SLC30A7: variants seen among roughly 807,000 people sequenced by gnomAD.
The protein encoded by SLC30A7 is solute carrier family 30 member 7.
SLC30A7 carries 35 observed loss-of-function variants against 46.0 expected under a neutral mutation model. The observed-to-expected ratio is 0.76, with a 90% confidence interval of 0.58 to 1.01. The LOEUF is 1.01. Ranked by LOEUF, SLC30A7 falls within the 50% of genes least tolerant of loss-of-function variation. The pLI, the probability that SLC30A7 is intolerant of heterozygous loss-of-function variation, is 0.00. For missense variants in SLC30A7, 464 were observed against 451.1 expected (o/e 1.03, Z -0.26); for synonymous variants, 147 against 157.8 (o/e 0.93, Z 0.51).
At chr1:100,995,246 A>G in the SLC30A7 span, 1 of 711,632 alleles carries the variant, frequency 1.4e-6, no homozygotes, top group African/African-American at 1.8e-5. Flanking sequence ...ATTTTGGGGA[A>G]ACACTCTTCC....
chr1:100,959,645 G>T (rs1655428634), intron 8 of SLC30A7, among the ~76,000 whole-genome samples: 2 of 152,214 alleles, frequency 1.3e-5, no homozygotes, highest in African/African-American at 4.8e-5. Context: ...CAACACAGCA[G>T]CTATGAGAGA....
chr1:100,937,689 T>TTA (rs1313961320), intron 8 of SLC30A7, among the ~76,000 whole-genome samples: 5 of 152,218 alleles, frequency 3.3e-5, no homozygotes, highest in Admixed American at 1.3e-4. Context: ...TGGGTGTTCT[T>TTA]TATATATTCT....
intron 2 of SLC30A7, among the ~76,000 whole-genome samples, chr1:100,899,536 A>G (rs1651169242): frequency 6.6e-6 from 1 of 152,210 alleles, no homozygotes; most frequent in African/African-American, 2.4e-5. Flanking sequence ...TTTGTTTTCA[A>G]GTTACAGAAA....
rs898487096 is a variant in SLC30A7, at chr1:100,911,984, T to G, written c.385-128T>G. 5 of 769,786 alleles carry G rather than the reference T, an allele frequency of 6.5e-6. No individual in the cohort carries two copies. In the African/African-American group the frequency reaches 8.7e-5, roughly 13 times the overall value. 47.7% of individuals were successfully genotyped at this position (769,786 alleles called of 1,614,324 possible). On this transcript the variant is annotated intron_variant, in intron 4 of 10. Transcript: ENST00000357650. ...CTGGTTTTATTTCTATCAACTGTTT[T>G]GGGAGATTTTTTTTAGTGTTTTTAA...
At chr1:100,971,928 T>C (rs1656185291) in intron 10 of SLC30A7, among the ~76,000 whole-genome samples, 1 of 152,168 alleles carries the variant, frequency 6.6e-6, no homozygotes, top group Non-Finnish European at 1.5e-5. Flanking sequence ...TTGAAGATAT[T>C]CTAAGCCTAT....
intron 8 of SLC30A7, among the ~76,000 whole-genome samples, chr1:100,930,005 G>A (rs980292925): frequency 2.0e-5 from 3 of 151,922 alleles, no homozygotes; most frequent in African/African-American, 7.2e-5. Flanking sequence ...GTTTAGAGAC[G>A]AGGCAATTTA....
At chr1:100,953,176 C>G (rs1364076302) in intron 8 of SLC30A7, among the ~76,000 whole-genome samples, 1 of 152,174 alleles carries the variant, frequency 6.6e-6, no homozygotes, top group African/African-American at 2.4e-5. Flanking sequence ...TTTCCTGAGG[C>G]CTCCTACTCA....
At chr1:100,938,219 A>C (rs1233928751) in intron 8 of SLC30A7, among the ~76,000 whole-genome samples, 1 of 152,158 alleles carries the variant, frequency 6.6e-6, no homozygotes, top group Non-Finnish European at 1.5e-5. Flanking sequence ...GTTTCTTGAG[A>C]TCCCATAGGA....
chr1:100,988,363 C>T, the SLC30A7 span, among the ~76,000 whole-genome samples: 1 of 152,056 alleles, frequency 6.6e-6, no homozygotes, highest in African/African-American at 2.4e-5. Context: ...GTTTTTAGAC[C>T]ATTGTTTATT....
chr1:100,945,944 G>C (rs114007288), intron 8 of SLC30A7, among the ~76,000 whole-genome samples: 3,408 of 152,170 alleles, frequency 0.022, 118 homozygotes, highest in African/African-American at 0.074. Flanking sequence ...CTATTCATTT[G>C]TGTCCTCTTA....
At chr1:100,899,887 G>A (rs1035670892) in intron 2 of SLC30A7, among the ~76,000 whole-genome samples, 5 of 151,720 alleles carry the variant, frequency 3.3e-5, no homozygotes, top group East Asian at 1.9e-4. Context: ...TTATCACATG[G>A]TCATGCCTAG....
chr1:100,902,851 G>A (rs1015808381), intron 2 of SLC30A7, among the ~76,000 whole-genome samples: 2 of 152,034 alleles, frequency 1.3e-5, no homozygotes, highest in African/African-American at 2.4e-5. Flanking sequence ...ATAAAGTCAC[G>A]TTCTCAGGTA....
At position 100,979,551 on chromosome 1, in the gene SLC30A7, AC is replaced by A. The variant is rs1397634818; in HGVS notation, c.*4695del. 2.0e-5 allele frequency: 3 copies of A among 152,028 alleles called. No individual in the cohort carries two copies. The highest frequency in any genetic ancestry group is 2.9e-5 in the Non-Finnish European group (2 of 67,968). 9.4% of individuals were successfully genotyped at this position (152,028 alleles called of 1,614,324 possible). On this transcript the variant is annotated 3_prime_UTR_variant, in exon 11 of 11. Transcript: ENST00000357650. ...GATTTATATTTCCTAACTGCAAATT[AC>A]ACAGAAAGTGAGAATGGGGAATAAC...
chr1:100,899,903 A>C (rs1416054513), intron 2 of SLC30A7, among the ~76,000 whole-genome samples: 1 of 152,010 alleles, frequency 6.6e-6, no homozygotes. Flanking sequence ...CCTAGTTGCA[A>C]ATGTAGTCTT....
chr1:100,928,759 C>T (rs540835382), intron 8 of SLC30A7, among the ~76,000 whole-genome samples: 2 of 151,996 alleles, frequency 1.3e-5, no homozygotes, highest in Non-Finnish European at 1.5e-5. Flanking sequence ...GATCACAACA[C>T]GCAGAGGTCA....
chr1:100,983,396 C>CAAAAAA (rs760912885), downstream of SLC30A7, among the ~76,000 whole-genome samples: 1 of 116,984 alleles, frequency 8.5e-6, no homozygotes, highest in Non-Finnish European at 1.8e-5. Flanking sequence ...AAAAACAAAA[C>CAAAAAA]AAAACAAAAC....
In SLC30A7 at chr1:100,921,026, G is replaced by A. The variant is rs1335035101; in HGVS notation, c.707-680G>A. Among the ~76,000 whole-genome samples the A allele has an allele frequency of 2.6e-5, 4 of 152,078 alleles. No individual in the cohort carries two copies. The East Asian group carries it at 7.7e-4, about 29-fold the overall frequency. On this transcript the variant is annotated intron_variant, in intron 7 of 10. Transcript: ENST00000357650. ...TCTGGGCAACTTTGACTTACTAAAT[G>A]TTATTATGTCTAAGTTTTTAGAATA...
In SLC30A7 at chr1:100,953,185, C is replaced by G. The variant is rs140810431; in HGVS notation, c.843-8643C>G. On this transcript the variant is annotated intron_variant, in intron 8 of 10. Transcript: ENST00000357650. ...TGTAAATTTCCTGAGGCCTCCTACT[C>G]ATGCTTCCTGTTAAGCCTGTGGAAC... is the stretch of plus-strand genomic sequence containing the variant. Among the ~76,000 whole-genome samples, 265 of 152,344 alleles carry G rather than the reference C, an allele frequency of 1.7e-3. 2 individuals are homozygous for G. The highest frequency in any genetic ancestry group is 6.2e-3 in the African/African-American group (256 of 41,588).
At chr1:100,914,480 A>G (rs552179757) in intron 6 of SLC30A7, among the ~76,000 whole-genome samples, 20 of 152,148 alleles carry the variant, frequency 1.3e-4, no homozygotes, top group South Asian at 1.2e-3. Context: ...GAGGTTTTCA[A>G]TTTTTCACAT....
Sources: allele counts gnomAD v4.1 joint callset (sites outside exome capture counted in the v4.1 genomes callset), GRCh38; gene constraint gnomAD v4.1.1; transcripts MANE v1.5; gene names NCBI Gene and HGNC (gene_info 2026-07-23, HGNC 2026-07-21).